Variants in RUVBL1 observed in about 807,000 individuals in gnomAD.
RUVBL1 encodes the protein ruvB-like 1.
RUVBL1 carries 4 observed loss-of-function variants against 52.4 expected under a neutral mutation model. The ratio of observed to expected loss-of-function variants is 0.08; its 90% confidence interval spans 0.04 to 0.17. The LOEUF (loss-of-function observed/expected upper bound fraction) is 0.17, where lower values mean the gene tolerates loss of function less well. Ranked by LOEUF, RUVBL1 falls within the 10% of genes least tolerant of loss-of-function variation. The probability of loss-of-function intolerance (pLI) is 1.00; values close to 1 mark genes in which losing one functional copy is unlikely to be tolerated. For synonymous variants in RUVBL1, 217 were observed against 214.4 expected, an observed-to-expected ratio of 1.01 and a Z score of -0.10; for missense variants, 298 against 572.8, an observed-to-expected ratio of 0.52 and a Z score of 4.90.
intron 1 of RUVBL1, among the ~76,000 whole-genome samples, chr3:128,140,520 C>G (rs935633832): frequency 6.6e-6 from 1 of 152,040 alleles, no homozygotes; most frequent in Non-Finnish European, 1.5e-5. Context: ...TTTGCTGACA[C>G]CTTATAGGTG....
At position 128,081,957 on chromosome 3, in the gene RUVBL1, T is replaced by A. The variant is rs747917436; in HGVS notation, c.1211+526A>T. 2 of 163,826 alleles carry A rather than the reference T, an allele frequency of 1.2e-5. No homozygotes were observed. The highest frequency in any genetic ancestry group is 4.8e-5 in the African/African-American group (2 of 41,522). 10.1% of individuals were successfully genotyped at this position (163,826 alleles called of 1,614,324 possible). ...ATGATTTTACAATGAGTCAGGCCAC[T>A]GTGAAGGGACATGCTCTGCCGGTCC... is the stretch of plus-strand genomic sequence containing the variant. On this transcript the variant is annotated intron_variant, in intron 10 of 10. Coordinates refer to ENST00000322623, the MANE Select transcript of RUVBL1 (RefSeq NM_003707.3). The surrounding 1 kb of genome is among the most constrained non-coding windows in gnomAD (Gnocchi z 4.8).
upstream of RUVBL1, among the ~76,000 whole-genome samples, chr3:128,128,719 G>C (rs1469439607): frequency 6.6e-6 from 1 of 152,230 alleles, no homozygotes; most frequent in Non-Finnish European, 1.5e-5. Flanking sequence ...TATGTGCCCA[G>C]TTAAAAATTC....
chr3:128,119,784 A>T (rs997143657), intron 1 of RUVBL1, among the ~76,000 whole-genome samples: 1 of 152,220 alleles, frequency 6.6e-6, no homozygotes, highest in Non-Finnish European at 1.5e-5. Flanking sequence ...CGTTCCAGGC[A>T]AAGAAAACAG....
intron 4 of RUVBL1, among the ~76,000 whole-genome samples, chr3:128,102,333 C>G (rs1020021883): frequency 6.6e-6 from 1 of 152,278 alleles, no homozygotes; most frequent in African/African-American, 2.4e-5. Context: ...GCCCTTGGGT[C>G]TGCCTGCTTA....
At chr3:128,109,156 G>A (rs747340527) in intron 3 of RUVBL1, among the ~76,000 whole-genome samples, 6 of 152,322 alleles carry the variant, frequency 3.9e-5, no homozygotes, top group East Asian at 1.9e-4. Flanking sequence ...GGTGCTGGCC[G>A]TGCTCTGTTC....
At chr3:128,065,929 AGACAGG>A (rs1258528309) in intron 9 of RUVBL1, among the ~76,000 whole-genome samples, 1 of 151,684 alleles carries the variant, frequency 6.6e-6, no homozygotes, top group Admixed American at 6.6e-5. Flanking sequence ...TTTTTAGTAT[AGACAGG>A]GTTTCACCGT....
intron 1 of RUVBL1, among the ~76,000 whole-genome samples, chr3:128,148,999 C>CCAT (rs958178903): frequency 1.3e-5 from 2 of 152,024 alleles, no homozygotes; most frequent in African/African-American, 4.8e-5. Context: ...CCCCCAAGAC[C>CCAT]CATTACCCAA....
Position 128,146,801 on chromosome 3 carries a change from C to CTG in RUVBL1, c.-40+6400_-40+6401dup, listed in dbSNP as rs202140963. Among the ~76,000 whole-genome samples, 987 of 150,282 alleles carry CTG rather than the reference C, an allele frequency of 6.6e-3. 9 individuals carry two copies. Among genetic ancestry groups the CTG allele is most frequent in the African/African-American group, 0.023 (925 of 40,846 alleles). ...TGCGTGTGCACGTGTGTCCATGTGT[C>CTG]TGTGTGTGTGTGCATGCATCTGTGT... On this transcript the variant is annotated intron_variant, in intron 1 of 9. Transcript: ENST00000464873.
chr3:128,148,496 T>C (rs1038384472), intron 1 of RUVBL1, among the ~76,000 whole-genome samples: 21 of 152,126 alleles, frequency 1.4e-4, no homozygotes, highest in Non-Finnish European at 2.9e-4. Context: ...AAGTTTGAGA[T>C]GCCTATTACA....
chr3:128,066,871 G>T, intron 9 of RUVBL1: 1 of 1,375,306 alleles, frequency 7.3e-7, no homozygotes, highest in Non-Finnish European at 1.0e-6. Flanking sequence ...TGGCCCACTG[G>T]ACAGTCCCCG....
chr3:128,065,633 C>G (rs941291642), intron 9 of RUVBL1, among the ~76,000 whole-genome samples: 3 of 151,742 alleles, frequency 2.0e-5, no homozygotes, highest in Non-Finnish European at 2.9e-5. Flanking sequence ...GAGCTACATG[C>G]TTTTCCCATT....
chr3:128,082,958 TCC>T lies in RUVBL1; in HGVS notation c.1120-386_1120-385del. 1.2e-5 allele frequency: 2 copies of T among 168,610 alleles called. No homozygotes were observed. Among genetic ancestry groups the T allele is most frequent in the South Asian group, 2.9e-4 (2 of 6,870 alleles). 10.4% of individuals were successfully genotyped at this position (168,610 alleles called of 1,614,324 possible). A position where few individuals can be genotyped will look rare whatever the true frequency, so the allele number is the denominator to read the frequency against. On this transcript the variant is annotated intron_variant, in intron 9 of 10. Transcript: ENST00000322623. The surrounding 1 kb of genome is among the most constrained non-coding windows in gnomAD (Gnocchi z 4.7). ...GGGGCTCCTGCAAGGGCTCTAACCTTCCTCTCCAGCATGGGCACTACTGCCTA... is the reference window on the plus strand; with the variant it reads ...GGGGCTCCTGCAAGGGCTCTAACCTTTCTCCAGCATGGGCACTACTGCCTA...
chr3:128,136,855 GA>G (rs2107732081), intron 1 of RUVBL1, among the ~76,000 whole-genome samples: 1 of 152,104 alleles, frequency 6.6e-6, no homozygotes, highest in Non-Finnish European at 1.5e-5. Context: ...TCAGCAAGAG[GA>G]TATAACAATT....
intron 7 of RUVBL1, among the ~76,000 whole-genome samples, 161 bp downstream of exon 7, chr3:128,098,721 G>A (rs371085804): frequency 2.2e-4 from 33 of 152,282 alleles, no homozygotes; most frequent in African/African-American, 5.3e-4. Context: ...CCTAAATGCC[G>A]CCAGAAACTT....
rs763256468 is a variant in RUVBL1 at position 128,104,933 on chromosome 3, GGT to G, written c.362-11_362-10del. 5 of 1,590,450 alleles carry G rather than the reference GGT, an allele frequency of 3.1e-6. No individual in the cohort carries two copies. The African/African-American group carries it at 6.7e-5, about 21-fold the overall frequency. On this transcript the variant is annotated splice_polypyrimidine_tract_variant and intron_variant, in intron 3 of 10. Transcript: ENST00000322623. ...CTCCTTTATTCGCAGCCCTGGAAGA[GGT>G]GGCAGAGGGGCCATGGTGAGAAGCA...
intron 1 of RUVBL1, among the ~76,000 whole-genome samples, chr3:128,147,832 G>A (rs1300595528): frequency 6.6e-6 from 1 of 152,144 alleles, no homozygotes; most frequent in Non-Finnish European, 1.5e-5. Flanking sequence ...CCAAAACCTG[G>A]AAACAACCCA....
chr3:128,071,124 T>G (rs1942156048), intron 9 of RUVBL1: 1 of 152,356 alleles, frequency 6.6e-6, no homozygotes. Context: ...GGGCACACTC[T>G]GGAGACCTTG....
chr3:128,151,823 G>T (rs1041703637), intron 1 of RUVBL1, among the ~76,000 whole-genome samples: 1 of 152,170 alleles, frequency 6.6e-6, no homozygotes, highest in African/African-American at 2.4e-5. Flanking sequence ...AACGAAGGAG[G>T]CAGTTACTGC....
intron 1 of RUVBL1, among the ~76,000 whole-genome samples, chr3:128,146,812 T>C (rs1944113747): frequency 6.6e-6 from 1 of 152,154 alleles, no homozygotes; most frequent in Non-Finnish European, 1.5e-5. Context: ...TGTGTGTGTG[T>C]GCATGCATCT....
Sources: gnomAD v4.1 joint callset for allele counts (sites outside exome capture counted in the v4.1 genomes callset) on GRCh38, gnomAD v4.1.1 for gene constraint, Gnocchi (gnomAD v3.1) non-coding constraint, MANE v1.5 for transcripts, NCBI Gene and HGNC (gene_info 2026-07-23, HGNC 2026-07-21) for gene names.